LIN7A: variants seen among roughly 807,000 people sequenced by gnomAD.
LIN7A encodes lin-7 cell polarity scaffold A, also known as protein lin-7 homolog A.
A neutral mutation model predicts 29.8 loss-of-function variants in LIN7A; 25 were observed. The ratio of observed to expected loss-of-function variants is 0.84; its 90% CI spans 0.61 to 1.17. The LOEUF is 1.17. LIN7A is among the 50% of genes most tolerant of loss of function. The pLI is 0.00. For synonymous variants in LIN7A, 118 were observed against 107.5 expected (o/e 1.10, Z -0.60); for missense variants, 239 against 287.0 (o/e 0.83, Z 1.21).
intron 2 of LIN7A, among the ~76,000 whole-genome samples, chr12:80,884,727 A>G (rs887272630): frequency 1.1e-4 from 17 of 152,156 alleles, no homozygotes; most frequent in Admixed American, 6.6e-5. Context: ...TATAGGGTTG[A>G]TTTATTTTCT....
chr12:80,823,517 T>G (rs1158809616), intron 4 of LIN7A, among the ~76,000 whole-genome samples: 1 of 152,186 alleles, frequency 6.6e-6, no homozygotes, highest in Non-Finnish European at 1.5e-5. Flanking sequence ...CCTGGCTCTG[T>G]GCAGTGGCTG....
chr12:80,881,657 A>C (rs536149680), intron 2 of LIN7A, among the ~76,000 whole-genome samples: 1 of 152,018 alleles, frequency 6.6e-6, no homozygotes, highest in South Asian at 2.1e-4. Context: ...GTACACACAC[A>C]TATATATATG....
At chr12:80,929,657 C>T (rs568921379) in intron 1 of LIN7A, among the ~76,000 whole-genome samples, 1 of 152,134 alleles carries the variant, frequency 6.6e-6, no homozygotes, top group African/African-American at 2.4e-5. Context: ...TGATTTTCCA[C>T]GTAGCCTCTG....
intron 1 of LIN7A, among the ~76,000 whole-genome samples, chr12:80,894,025 A>C (rs1453588589): frequency 6.6e-6 from 1 of 152,222 alleles, no homozygotes; most frequent in Non-Finnish European, 1.5e-5. Context: ...AGTTTTAAAC[A>C]GAATTCTGAT....
chr12:80,888,926 C>T (rs1875477085), intron 2 of LIN7A, among the ~76,000 whole-genome samples: 1 of 152,036 alleles, frequency 6.6e-6, no homozygotes, highest in Admixed American at 6.6e-5. Flanking sequence ...ACTCAGCCCC[C>T]ATTAATGATA....
chr12:80,856,295 T>C (rs772387856), intron 2 of LIN7A, among the ~76,000 whole-genome samples: 4 of 152,062 alleles, frequency 2.6e-5, no homozygotes, highest in Non-Finnish European at 5.9e-5. Context: ...CAAGAAAAAA[T>C]ACTGACAGGT....
chr12:80,851,930 T>C (rs1873354501), intron 2 of LIN7A, among the ~76,000 whole-genome samples: 1 of 152,174 alleles, frequency 6.6e-6, no homozygotes, highest in Non-Finnish European at 1.5e-5. Flanking sequence ...TCCAAGCTAC[T>C]GAAAATTGAA....
chr12:80,875,833 T>G (rs1874660255), intron 2 of LIN7A, among the ~76,000 whole-genome samples: 2 of 152,320 alleles, frequency 1.3e-5, no homozygotes, highest in Admixed American at 6.5e-5. Context: ...TGACTATTAC[T>G]TAAATCTTTA....
At chr12:80,879,645 C>CAAAAAAAAAAAA (rs530877505) in intron 2 of LIN7A, among the ~76,000 whole-genome samples, 6 of 58,742 alleles carry the variant, frequency 1.0e-4, no homozygotes, top group African/African-American at 5.5e-4. Context: ...TGGAGCAGCC[C>CAAAAAAAAAAAA]AAAAAAAAAA....
chr12:80,835,144 A>G (rs1872547233), intron 4 of LIN7A, among the ~76,000 whole-genome samples: 1 of 152,170 alleles, frequency 6.6e-6, no homozygotes. Context: ...CAGAAGAAGG[A>G]CCATTACTTG....
intron 5 of LIN7A, among the ~76,000 whole-genome samples, chr12:80,799,812 T>A (rs986044497): frequency 1.3e-5 from 2 of 151,852 alleles, no homozygotes; most frequent in African/African-American, 2.4e-5. Context: ...AATAGGAAAT[T>A]AATAGAGAAA....
intron 2 of LIN7A, among the ~76,000 whole-genome samples, chr12:80,849,077 G>A (rs1224668362): frequency 6.6e-6 from 1 of 152,098 alleles, no homozygotes; most frequent in Non-Finnish European, 1.5e-5. Context: ...CAGGTGACAT[G>A]GTTAGAAGGA....
rs570881528 is a variant in LIN7A at position 80,912,029 on chromosome 12, A to C, written c.83-22660T>G. ...TTATTTCTCTATTAACAGATAAGAAAAAATTTAATAAGCCTTAGGAATTCC... is the reference window on the plus strand; with the variant it reads ...TTATTTCTCTATTAACAGATAAGAACAAATTTAATAAGCCTTAGGAATTCC... On this transcript the variant is annotated intron_variant, in intron 1 of 5. Transcript: ENST00000552864. Among the ~76,000 whole-genome samples, 7 of 152,328 alleles carry C rather than the reference A, an allele frequency of 4.6e-5. 1 individual carries two copies. Among genetic ancestry groups the C allele is most frequent in the South Asian group, 2.1e-4 (1 of 4,820 alleles).
In LIN7A at chr12:80,795,951, T is replaced by G. The variant is rs2121464325; in HGVS notation, c.*1776A>C. 6.6e-6 allele frequency: 1 copy of G among 152,386 alleles called. No individual in the cohort carries two copies. The highest frequency in any genetic ancestry group is 3.4e-3 in the Middle Eastern group (1 of 294). 9.4% of individuals were successfully genotyped at this position (152,386 alleles called of 1,614,324 possible). A position where few individuals can be genotyped will look rare whatever the true frequency, so the allele number is the denominator to read the frequency against. ...AATGATATGTATTCAAGGATGGGAATCTGTTATCACAGGGGTGTATTGTTG... is the reference window on the plus strand; with the variant it reads ...AATGATATGTATTCAAGGATGGGAAGCTGTTATCACAGGGGTGTATTGTTG... On this transcript the variant is annotated 3_prime_UTR_variant, in exon 6 of 6. Coordinates refer to ENST00000552864, the MANE Select transcript of LIN7A (RefSeq NM_004664.4).
chr12:80,840,030 T>C (rs1872739847), intron 4 of LIN7A, among the ~76,000 whole-genome samples: 1 of 152,010 alleles, frequency 6.6e-6, no homozygotes, highest in South Asian at 2.1e-4. Flanking sequence ...GTATGCCATA[T>C]TTTTTTTAAG....
intron 5 of LIN7A, among the ~76,000 whole-genome samples, chr12:80,799,665 T>TCTTCTTCCTTATGCTTCTTC (rs1239136464): frequency 6.6e-6 from 1 of 152,202 alleles, no homozygotes; most frequent in Non-Finnish European, 1.5e-5. Flanking sequence ...AAATCAATCA[T>TCTTCTTCCTTATGCTTCTTC]CTATGCTTCT....
intron 1 of LIN7A, among the ~76,000 whole-genome samples, chr12:80,929,159 G>T (rs1274501931): frequency 6.6e-6 from 1 of 151,940 alleles, no homozygotes; most frequent in Non-Finnish European, 1.5e-5. Context: ...AATTACTTTT[G>T]CACCAACCTA....
intron 2 of LIN7A, among the ~76,000 whole-genome samples, chr12:80,885,021 G>A (rs1875255912): frequency 6.6e-6 from 1 of 152,014 alleles, no homozygotes. Flanking sequence ...TACTTTGGTT[G>A]CCACAAGAAT....
At chr12:80,868,456 T>A (rs1398719636) in intron 2 of LIN7A, among the ~76,000 whole-genome samples, 1 of 152,126 alleles carries the variant, frequency 6.6e-6, no homozygotes, top group Non-Finnish European at 1.5e-5. Context: ...TGGTCCCAGC[T>A]ACTTGGGAGG....
Sources: allele counts gnomAD v4.1 joint callset (sites outside exome capture counted in the v4.1 genomes callset), GRCh38; gene constraint gnomAD v4.1.1; transcripts MANE v1.5; gene names NCBI Gene and HGNC (gene_info 2026-07-23, HGNC 2026-07-21).